The following UBXN11 variants were observed in gnomAD, a reference collection of about 807,000 sequenced individuals.
The protein encoded by UBXN11 is UBX domain-containing protein 11.
Under a neutral mutation model 62.8 loss-of-function variants are expected in UBXN11, and 47 were observed. That is an observed-to-expected ratio of 0.75 (90% CI 0.59 to 0.95). The LOEUF (loss-of-function observed/expected upper bound fraction) is 0.95. Among genes scored for constraint, UBXN11 ranks in the 40% least tolerant of loss-of-function variants. The pLI is 0.00. For missense variants in UBXN11, 638 were observed against 661.7 expected (o/e 0.96, Z 0.39); for synonymous variants, 294 against 267.0 (o/e 1.10, Z -0.99).
intron 4 of UBXN11, among the ~76,000 whole-genome samples, chr1:26,300,168 C>T (rs1029746148): frequency 3.3e-5 from 5 of 152,184 alleles, no homozygotes; most frequent in Admixed American, 6.5e-5. Context: ...AGGCCCTTCC[C>T]TATGGCTGGC....
intron 12 of UBXN11, among the ~76,000 whole-genome samples, chr1:26,283,759 A>C (rs1221212687): frequency 6.6e-6 from 1 of 152,174 alleles, no homozygotes; most frequent in African/African-American, 2.4e-5. Flanking sequence ...TCACAGGTGG[A>C]CACCTAGGAG....
At chr1:26,296,801 G>A in intron 7 of UBXN11, 118 bp downstream of exon 7, 1 of 1,058,174 alleles carries the variant, frequency 9.5e-7, no homozygotes, top group South Asian at 1.6e-5. Context: ...GGGTCCCTGG[G>A]TGGGATGTGA....
intron 1 of UBXN11, among the ~76,000 whole-genome samples, chr1:26,312,940 T>C (rs941512791): frequency 8.3e-6 from 1 of 120,992 alleles, no homozygotes; most frequent in African/African-American, 3.2e-5. Flanking sequence ...GATCCCGCCA[T>C]TGCACTCCAG....
upstream of UBXN11, among the ~76,000 whole-genome samples, chr1:26,309,222 T>A (rs1388370817): frequency 2.6e-5 from 3 of 115,540 alleles, no homozygotes; most frequent in Non-Finnish European, 5.5e-5. Flanking sequence ...CGTGAGCCAC[T>A]GCGCCCTGTC....
chr1:26,295,098 T>A (rs2073361951), intron 7 of UBXN11, among the ~76,000 whole-genome samples: 1 of 152,172 alleles, frequency 6.6e-6, no homozygotes, highest in South Asian at 2.1e-4. Context: ...GACTCACATT[T>A]CCAACCGTCC....
chr1:26,292,216 G>A (rs902439829), intron 8 of UBXN11, among the ~76,000 whole-genome samples: 9 of 152,174 alleles, frequency 5.9e-5, no homozygotes, highest in Non-Finnish European at 2.9e-5. Context: ...CCTGGCCCCT[G>A]TCAAGGCTAT....
At chr1:26,295,145 CT>C (rs2073363114) in intron 7 of UBXN11, among the ~76,000 whole-genome samples, 2 of 152,168 alleles carry the variant, frequency 1.3e-5, no homozygotes, top group Admixed American at 6.5e-5. Context: ...TCTTGTCCCC[CT>C]GTCAAACCTC....
intron 9 of UBXN11, 75 bp downstream of exon 9, chr1:26,285,748 G>A: frequency 2.0e-6 from 3 of 1,511,922 alleles, no homozygotes; most frequent in Non-Finnish European, 2.7e-6. Context: ...CCTGGGGTGA[G>A]CTGGCTTCAT....
At position 26,282,328 on chromosome 1, in the gene UBXN11, A is replaced by ACTGGGGCCGGGACCGGGACC. The variant is rs2073003010; in HGVS notation, c.1533_1534insGGTCCCGGTCCCGGCCCCAG (p.Cys512GlyfsTer?). 49 of 778,132 alleles carry ACTGGGGCCGGGACCGGGACC rather than the reference A, an allele frequency of 6.3e-5. 1 individual carries two copies. The East Asian group carries it at 1.6e-3, about 25-fold the overall frequency. 48.2% of individuals were successfully genotyped at this position (778,132 alleles called of 1,614,324 possible). On this transcript the variant is annotated frameshift_variant, in exon 15 of 15. Coordinates refer to ENST00000374222, the MANE Select transcript of UBXN11 (RefSeq NM_001389556.1). LOFTEE classifies it high-confidence loss of function. ...TGGGGGCTGGGACTGGGTCCAGGAC[A>ACTGGGGCCGGGACCGGGACC]GGGACTGGGGCCGGGACCGGGACCG...
upstream of UBXN11, among the ~76,000 whole-genome samples, chr1:26,307,798 G>C (rs2073696772): frequency 6.6e-6 from 1 of 151,906 alleles, no homozygotes; most frequent in Admixed American, 6.6e-5. Flanking sequence ...GCTAGTTTTT[G>C]TATTTTCTTG....
At chr1:26,283,151 G>GT (rs1158432110) in intron 12 of UBXN11, among the ~76,000 whole-genome samples, 1 of 152,084 alleles carries the variant, frequency 6.6e-6, no homozygotes, top group African/African-American at 2.4e-5. Flanking sequence ...GTAACCCCCC[G>GT]TTTCAGTCTA....
rs1461430891 is a variant in UBXN11, at chr1:26,301,661, G to C, written c.100+33C>G. ...CTGTAGGAGGTGCAAGCACATGAGAGGCGAAGAGGGCACGAGGGCGGGGCA... is the reference window on the plus strand; with the variant it reads ...CTGTAGGAGGTGCAAGCACATGAGACGCGAAGAGGGCACGAGGGCGGGGCA... On this transcript the variant is annotated intron_variant, in intron 3 of 14. Coordinates refer to ENST00000374222, the MANE Select transcript of UBXN11 (RefSeq NM_001389556.1). 8 of 1,612,604 alleles carry C rather than the reference G, an allele frequency of 5.0e-6. No homozygotes were observed. The South Asian group carries it at 8.8e-5, about 18-fold the overall frequency.
chr1:26,298,170 G>A, intron 4 of UBXN11, 108 bp from the exon 5 acceptor site: 1 of 1,133,240 alleles, frequency 8.8e-7, no homozygotes, highest in Admixed American at 2.0e-5. Context: ...GGTACTGAGA[G>A]CAGCTCCCAC....
intron 8 of UBXN11, among the ~76,000 whole-genome samples, chr1:26,286,645 A>C (rs566485642): frequency 6.6e-6 from 1 of 151,958 alleles, no homozygotes; most frequent in Non-Finnish European, 1.5e-5. Flanking sequence ...ACTGTGCCCA[A>C]CTCCACCTTG....
At chr1:26,312,619 C>G (rs1405533820) in intron 1 of UBXN11, among the ~76,000 whole-genome samples, 1 of 151,982 alleles carries the variant, frequency 6.6e-6, no homozygotes, top group African/African-American at 2.4e-5. Context: ...ATAAATTCCT[C>G]AGGGGAAAGG....
intron 1 of UBXN11, among the ~76,000 whole-genome samples, chr1:26,304,338 T>A (rs2124673201): frequency 6.6e-6 from 1 of 152,322 alleles, no homozygotes; most frequent in East Asian, 1.9e-4. Flanking sequence ...CCTCACGGGT[T>A]GTATGGCCAA....
intron 2 of UBXN11, 43 bp from the exon 3 acceptor site, chr1:26,301,765 C>T (rs1169112978): frequency 1.2e-6 from 2 of 1,612,226 alleles, no homozygotes; most frequent in South Asian, 1.1e-5. Flanking sequence ...TAAGTTAGGG[C>T]CCCTGGAATG....
chr1:26,294,249 T>A lies in UBXN11; in HGVS notation c.515A>T (p.His172Leu), dbSNP rs1285165984. The A allele has an allele frequency of 1.9e-6, 3 of 1,614,080 alleles. No individual in the cohort carries two copies. The Admixed American group carries it at 5.0e-5, about 27-fold the overall frequency. Reference sequence around the variant, plus strand: ...GGCTGTCATCCAGTCCCTCTCGCCATGCTCTGAGACTGTCTTGCTCTCTGA... The same window carrying A: ...GGCTGTCATCCAGTCCCTCTCGCCAAGCTCTGAGACTGTCTTGCTCTCTGA... ...EDSESKTVSEHGERDWMTAKK... is the reference protein window; with the variant it reads ...EDSESKTVSELGERDWMTAKK... Residue 172 changes from histidine (H) to leucine (L), a missense_variant, in exon 8 of 15, where the codon CAT becomes CTT. Physicochemically the swap from His to Leu is moderately conservative, Grantham distance 99 (BLOSUM62 -3). Transcript: ENST00000374222.
chr1:26,300,045 T>C (rs937721391), intron 4 of UBXN11, among the ~76,000 whole-genome samples: 1 of 152,088 alleles, frequency 6.6e-6, no homozygotes, highest in Non-Finnish European at 1.5e-5. Context: ...GTATAGGAGA[T>C]CTTGGCTTTG....
Sources: gnomAD v4.1 joint callset for allele counts (sites outside exome capture counted in the v4.1 genomes callset) on GRCh38, gnomAD v4.1.1 for gene constraint, MANE v1.5 for transcripts, NCBI Gene and HGNC (gene_info 2026-07-23, HGNC 2026-07-21) for gene names.